ANK3: variants seen among roughly 807,000 people sequenced by gnomAD.
The protein encoded by ANK3 is ankyrin 3, also known as ankyrin-3.
ANK3 carries 57 observed loss-of-function variants against 370.9 expected under a neutral mutation model. The observed-to-expected ratio is 0.15, with a 90% CI of 0.12 to 0.19. The LOEUF (loss-of-function observed/expected upper bound fraction) is 0.19, where lower values mean the gene tolerates loss of function less well. Ranked by LOEUF, ANK3 falls within the 10% of genes least tolerant of loss-of-function variation. The pLI is 1.00. For missense variants in ANK3, 4,439 were observed against 5,302.1 expected (o/e 0.84, Z 5.06); for synonymous variants, 1,929 against 1,946.3 (o/e 0.99, Z 0.23).
chr10:60,085,106 G>T, intron 31 of ANK3, 51 bp downstream of exon 31: 3 of 1,444,180 alleles, frequency 2.1e-6, no homozygotes, highest in Non-Finnish European at 2.8e-6. Context: ...CTTTCCAAAA[G>T]GTAATAAAAA....
At chr10:60,650,385 AAAT>A (rs1464150531) in intron 1 of ANK3, among the ~76,000 whole-genome samples, 183 of 64,780 alleles carry the variant, frequency 2.8e-3, no homozygotes, top group African/African-American at 5.8e-3. Context: ...AAAAAAAAAA[AAAT>A]TTACAAGCTC....
intron 1 of ANK3, among the ~76,000 whole-genome samples, chr10:60,726,849 T>C (rs1038250973): frequency 3.9e-5 from 6 of 152,182 alleles, no homozygotes; most frequent in African/African-American, 9.6e-5. Context: ...TCTGTAACTA[T>C]ATTTTCTTTT....
At chr10:60,151,646 C>T (rs1437014571) in intron 23 of ANK3, among the ~76,000 whole-genome samples, 1 of 152,156 alleles carries the variant, frequency 6.6e-6, no homozygotes, top group African/African-American at 2.4e-5. Context: ...GTACAGCCTG[C>T]AGAACTGTGA....
chr10:60,260,765 C>T (rs2097792104), intron 7 of ANK3, among the ~76,000 whole-genome samples: 1 of 152,126 alleles, frequency 6.6e-6, no homozygotes, highest in South Asian at 2.1e-4. Context: ...ATGTGATGTG[C>T]CTGTCCCTGC....
intron 1 of ANK3, among the ~76,000 whole-genome samples, chr10:60,353,926 C>T (rs1256874822): frequency 6.6e-6 from 1 of 152,228 alleles, no homozygotes; most frequent in South Asian, 2.1e-4. Flanking sequence ...TTGTTATCAG[C>T]TCAGCCTGTG....
chr10:60,546,217 G>A (rs987334924), intron 2 of ANK3, among the ~76,000 whole-genome samples: 1 of 151,928 alleles, frequency 6.6e-6, no homozygotes, highest in African/African-American at 2.4e-5. Flanking sequence ...TTCATTTTTT[G>A]TAGAGACAGG....
chr10:60,630,885 AACG>A (rs1291301410), intron 1 of ANK3, among the ~76,000 whole-genome samples: 1 of 152,182 alleles, frequency 6.6e-6, no homozygotes, highest in Non-Finnish European at 1.5e-5. Flanking sequence ...AGGAGGCTAC[AACG>A]TCACCAATAT....
chr10:60,136,610 T>G (rs951482444), intron 24 of ANK3, among the ~76,000 whole-genome samples: 7 of 152,214 alleles, frequency 4.6e-5, no homozygotes, highest in Non-Finnish European at 7.3e-5. Context: ...TGATACTTCT[T>G]AAACATCTCC....
chr10:60,112,335 A>G (rs1304671838), intron 26 of ANK3, among the ~76,000 whole-genome samples: 1 of 150,758 alleles, frequency 6.6e-6, no homozygotes, highest in Non-Finnish European at 1.5e-5. Context: ...CAGATGTTAT[A>G]TAGTTTCCTT....
At chr10:60,723,758 A>G (rs1470440795) in intron 1 of ANK3, among the ~76,000 whole-genome samples, 1 of 152,186 alleles carries the variant, frequency 6.6e-6, no homozygotes, top group Non-Finnish European at 1.5e-5. Context: ...ACATAATTAT[A>G]GCCATTTTCT....
intron 2 of ANK3, among the ~76,000 whole-genome samples, chr10:60,527,365 G>A (rs2076498166): frequency 2.0e-5 from 3 of 152,064 alleles, no homozygotes; most frequent in African/African-American, 4.8e-5. Context: ...CGCAGGAGAA[G>A]TCTTTTGTTT....
intron 1 of ANK3, among the ~76,000 whole-genome samples, chr10:60,620,026 C>T (rs989737990): frequency 6.6e-6 from 1 of 152,058 alleles, no homozygotes; most frequent in African/African-American, 2.4e-5. Flanking sequence ...CCAAATCATG[C>T]CTGCATTTAT....
intron 43 of ANK3, among the ~76,000 whole-genome samples, chr10:60,034,721 G>A (rs564608433): frequency 6.6e-6 from 1 of 152,124 alleles, no homozygotes. Flanking sequence ...CTTAAGGAAA[G>A]CCTGAGCCCA....
At chr10:60,434,119 T>A (rs974892981) in intron 2 of ANK3, among the ~76,000 whole-genome samples, 1 of 152,260 alleles carries the variant, frequency 6.6e-6, no homozygotes, top group East Asian at 1.9e-4. Context: ...AAGTCCTTGA[T>A]TAAACATTCA....
At chr10:60,703,583 A>C (rs1334385632) in intron 1 of ANK3, among the ~76,000 whole-genome samples, 1 of 152,214 alleles carries the variant, frequency 6.6e-6, no homozygotes, top group African/African-American at 2.4e-5. Context: ...TCCTGGATAT[A>C]AGCTCTTCTT....
At chr10:60,388,811 A>G (rs1301024160) in intron 1 of ANK3, among the ~76,000 whole-genome samples, 1 of 152,236 alleles carries the variant, frequency 6.6e-6, no homozygotes. Context: ...CTGTGATTTC[A>G]GCTTTATTTA....
rs911649049 is a variant in ANK3, at chr10:60,106,119, TAAAAA to T, written c.3174-65_3174-61del. ...TTAAATATATTTATAGTATCATACT[TAAAAA>T]ATGTTTCGTTAACAGTATTCATTTG... On this transcript the variant is annotated intron_variant, in intron 27 of 43. Coordinates refer to ENST00000280772, the MANE Select transcript of ANK3 (RefSeq NM_020987.5). The T allele has an allele frequency of 5.6e-6, 8 of 1,433,456 alleles. No homozygotes were observed. The East Asian group carries it at 2.1e-4, about 38-fold the overall frequency. The allele number at this position is 1,433,456 out of a possible 1,614,324, so 88.8% of individuals were successfully genotyped here.
At chr10:60,300,340 C>T in intron 1 of ANK3, 1 of 1,288,666 alleles carries the variant, frequency 7.8e-7, no homozygotes, top group Non-Finnish European at 1.0e-6. Context: ...AGCTCTCTCC[C>T]TCTTCCACTG....
At chr10:60,556,482 G>A (rs975260591) in intron 2 of ANK3, among the ~76,000 whole-genome samples, 5 of 152,156 alleles carry the variant, frequency 3.3e-5, no homozygotes, top group Non-Finnish European at 2.9e-5. Context: ...CTTGTCTCCA[G>A]TGCTCTGGAA....
Sources: gnomAD v4.1 joint callset for allele counts (sites outside exome capture counted in the v4.1 genomes callset) on GRCh38, gnomAD v4.1.1 for gene constraint, MANE v1.5 for transcripts, NCBI Gene and HGNC (gene_info 2026-07-23, HGNC 2026-07-21) for gene names.